The following HS3ST3A1 variants were observed in gnomAD, a reference collection of about 807,000 sequenced individuals.
HS3ST3A1 encodes the protein heparan sulfate-glucosamine 3-sulfotransferase 3A1.
Under a neutral mutation model 25.7 loss-of-function variants are expected in HS3ST3A1, and 19 were observed. That is an observed-to-expected ratio of 0.74 (90% CI 0.52 to 1.08). The LOEUF (loss-of-function observed/expected upper bound fraction) is 1.08, where lower values mean the gene tolerates loss of function less well. Among genes scored for constraint, HS3ST3A1 ranks in the 50% least tolerant of loss-of-function variants. The pLI is 0.00. For synonymous variants in HS3ST3A1, 226 were observed against 278.6 expected, an observed-to-expected ratio of 0.81 and a Z score of 1.88; for missense variants, 459 against 594.3, an observed-to-expected ratio of 0.77 and a Z score of 2.37.
Position 13,546,599 on chromosome 17 carries a change from G to A in HS3ST3A1, c.600-49781C>T, listed in dbSNP as rs184829285. 1.9e-3 allele frequency among the ~76,000 whole-genome samples: 293 copies of A among 152,314 alleles called. 1 individual carries two copies. Among genetic ancestry groups the A allele is most frequent in the Middle Eastern group, 0.017 (5 of 294 alleles). Reference sequence around the variant, plus strand: ...GCTTCTTAATTGCCGTTATCTTGCAGTAGATTTTTCCTACTGATTTCCCTA... The same window carrying A: ...GCTTCTTAATTGCCGTTATCTTGCAATAGATTTTTCCTACTGATTTCCCTA... On this transcript the variant is annotated intron_variant, in intron 1 of 1. Transcript: ENST00000284110.
At chr17:13,500,356 A>G (rs1905429664) in intron 1 of HS3ST3A1, among the ~76,000 whole-genome samples, 1 of 152,230 alleles carries the variant, frequency 6.6e-6, no homozygotes. Flanking sequence ...ACCTACAATT[A>G]CTTTTGCACC....
chr17:13,499,365 G>A (rs939797789), intron 1 of HS3ST3A1, among the ~76,000 whole-genome samples: 1 of 152,202 alleles, frequency 6.6e-6, no homozygotes, highest in Non-Finnish European at 1.5e-5. Flanking sequence ...CTCAGTGAAG[G>A]AAATTTAATC....
Position 13,600,952 on chromosome 17 carries a change from CG to C in HS3ST3A1, c.177del (p.Gly60AlafsTer101), listed in dbSNP as rs967363316. The C allele has an allele frequency of 4.2e-5, 65 of 1,537,930 alleles. No homozygotes were observed. The highest frequency in any genetic ancestry group is 5.7e-5 in the Non-Finnish European group (65 of 1,142,284). On this transcript the variant is annotated frameshift_variant, in exon 1 of 2. Coordinates refer to ENST00000284110, the MANE Select transcript of HS3ST3A1 (RefSeq NM_006042.3). LOFTEE classifies it high-confidence loss of function. ...LSGPVVGLSG[G>X]GEEAGAPGGG... The stretch of plus-strand genomic sequence containing the variant: ...CCACCAGGGGCCCCCGCCTCCTCGC[CG>C]CCGCCGGACAGCCCCACGACGGGGC...
At chr17:13,556,361 A>C (rs1316602002) in intron 1 of HS3ST3A1, among the ~76,000 whole-genome samples, 1 of 151,500 alleles carries the variant, frequency 6.6e-6, no homozygotes, top group Non-Finnish European at 1.5e-5. Context: ...ACAAAAAATC[A>C]GTGGGGCCTG....
chr17:13,566,322 G>C (rs750733281), intron 1 of HS3ST3A1, among the ~76,000 whole-genome samples: 1 of 152,084 alleles, frequency 6.6e-6, no homozygotes, highest in Non-Finnish European at 1.5e-5. Context: ...TAGAAGACAA[G>C]GAATTTTATT....
At chr17:13,512,538 G>A (rs1180710154) in intron 1 of HS3ST3A1, among the ~76,000 whole-genome samples, 1 of 152,046 alleles carries the variant, frequency 6.6e-6, no homozygotes, top group Non-Finnish European at 1.5e-5. Flanking sequence ...TTGAAACATA[G>A]CCATGTCCAT....
intron 1 of HS3ST3A1, among the ~76,000 whole-genome samples, chr17:13,581,901 T>C (rs975131772): frequency 6.6e-6 from 1 of 152,100 alleles, no homozygotes; most frequent in African/African-American, 2.4e-5. Context: ...TCCCAGGGGG[T>C]CGCCCTTTAA....
intron 1 of HS3ST3A1, among the ~76,000 whole-genome samples, chr17:13,570,479 CT>C (rs1486121975): frequency 2.6e-4 from 39 of 152,208 alleles, no homozygotes; most frequent in Non-Finnish European, 4.7e-4. Flanking sequence ...AGGTTATTTC[CT>C]TTTTGTTTGT....
chr17:13,532,361 G>A (rs1906629389), intron 1 of HS3ST3A1, among the ~76,000 whole-genome samples: 1 of 152,116 alleles, frequency 6.6e-6, no homozygotes, highest in African/African-American at 2.4e-5. Context: ...GGAAGACCAG[G>A]GGCTGACCAG....
At chr17:13,582,062 C>T (rs2142383443) in intron 1 of HS3ST3A1, among the ~76,000 whole-genome samples, 1 of 152,174 alleles carries the variant, frequency 6.6e-6, no homozygotes, top group South Asian at 2.1e-4. Context: ...AAAAGACTTT[C>T]CTGGCAAACA....
At chr17:13,526,474 T>TTATATATATATA (rs58701744) in intron 1 of HS3ST3A1, among the ~76,000 whole-genome samples, 147 of 76,250 alleles carry the variant, frequency 1.9e-3, no homozygotes, top group South Asian at 2.4e-3. Flanking sequence ...ACTTTAATTT[T>TTATATATATATA]TATATATATA....
At chr17:13,550,416 A>T (rs1029359580) in intron 1 of HS3ST3A1, among the ~76,000 whole-genome samples, 1 of 151,984 alleles carries the variant, frequency 6.6e-6, no homozygotes, top group African/African-American at 2.4e-5. Flanking sequence ...TGGTCTTTGG[A>T]AACCTCCCTC....
At chr17:13,499,382 G>T (rs548969479) in intron 1 of HS3ST3A1, among the ~76,000 whole-genome samples, 1 of 152,198 alleles carries the variant, frequency 6.6e-6, no homozygotes. Context: ...AATCAGATGC[G>T]TGAAAAAGTT....
At chr17:13,505,515 C>G (rs997981996) in intron 1 of HS3ST3A1, among the ~76,000 whole-genome samples, 9 of 151,660 alleles carry the variant, frequency 5.9e-5, no homozygotes, top group Non-Finnish European at 1.2e-4. Context: ...AATCCAAGCT[C>G]GAGGAGTTAA....
At position 13,526,474 on chromosome 17, in the gene HS3ST3A1, T is replaced by TATATATATA. The variant is rs1906425775; in HGVS notation, c.600-29657_600-29656insTATATATAT. ...TTGAACTTGGATACAACTTTAATTT[T>TATATATATA]TATATATATATATATATATATATAT... On this transcript the variant is annotated intron_variant, in intron 1 of 1. Transcript: ENST00000284110. 5.5e-3 allele frequency among the ~76,000 whole-genome samples: 419 copies of TATATATATA among 76,274 alleles called. 52 individuals carry two copies. The highest frequency in any genetic ancestry group is 5.9e-3 in the Non-Finnish European group (237 of 40,438). The allele number at this position is 76,274 out of a possible 152,430, so 50.0% of individuals were successfully genotyped here.
At chr17:13,564,242 T>C (rs1305465470) in intron 1 of HS3ST3A1, among the ~76,000 whole-genome samples, 1 of 152,238 alleles carries the variant, frequency 6.6e-6, no homozygotes, top group African/African-American at 2.4e-5. Context: ...TGAAATATCC[T>C]GAGGAATATT....
At chr17:13,503,256 G>A (rs1457622749) in intron 1 of HS3ST3A1, among the ~76,000 whole-genome samples, 7 of 151,548 alleles carry the variant, frequency 4.6e-5, no homozygotes, top group Non-Finnish European at 1.0e-4. Flanking sequence ...AGAAAAACAG[G>A]CAAAAAGCTG....
chr17:13,599,518 T>C (rs1908662356), intron 1 of HS3ST3A1, among the ~76,000 whole-genome samples: 6 of 152,200 alleles, frequency 3.9e-5, no homozygotes, highest in Admixed American at 2.6e-4. Context: ...GAATGCATCT[T>C]TTATGAACAA....
At chr17:13,513,109 AAC>A (rs1416459625) in intron 1 of HS3ST3A1, among the ~76,000 whole-genome samples, 2 of 152,130 alleles carry the variant, frequency 1.3e-5, no homozygotes. Context: ...GCCAGAAGAA[AAC>A]ACACCAGGAC....
Sources: gnomAD v4.1 joint callset for allele counts (sites outside exome capture counted in the v4.1 genomes callset) on GRCh38, gnomAD v4.1.1 for gene constraint, MANE v1.5 for transcripts, NCBI Gene and HGNC (gene_info 2026-07-23, HGNC 2026-07-21) for gene names.